Variants in PPM1L observed in about 807,000 individuals in gnomAD.
PPM1L encodes protein phosphatase 1L.
Under a neutral mutation model 31.4 loss-of-function variants are expected in PPM1L, and 13 were observed. The observed-to-expected ratio is 0.41, with a 90% confidence interval of 0.27 to 0.66. The LOEUF (loss-of-function observed/expected upper bound fraction) is 0.66, where lower values mean the gene tolerates loss of function less well. Among genes scored for constraint, PPM1L ranks in the 30% least tolerant of loss-of-function variants. The probability of loss-of-function intolerance (pLI) is 0.29; values close to 1 mark genes in which losing one functional copy is unlikely to be tolerated. For synonymous variants in PPM1L, 184 were observed against 175.4 expected (o/e 1.05, Z -0.39); for missense variants, 326 against 453.7 (o/e 0.72, Z 2.56).
At chr3:160,894,215 C>T (rs1235654128) in intron 1 of PPM1L, among the ~76,000 whole-genome samples, 3 of 152,154 alleles carry the variant, frequency 2.0e-5, no homozygotes, top group Admixed American at 2.0e-4. Context: ...GGATTGCATT[C>T]TTACAATTTA....
intron 1 of PPM1L, among the ~76,000 whole-genome samples, chr3:160,903,194 G>GTGTGTGTGTGCGTGTGTGTGTGT (rs1553819647): frequency 2.1e-5 from 2 of 95,534 alleles, no homozygotes; most frequent in African/African-American, 6.7e-5. Flanking sequence ...TGTGTGTGTG[G>GTGTGTGTGTGCGTGTGTGTGTGT]TATGTGTGTA....
chr3:160,777,242 G>A (rs1313958317), intron 1 of PPM1L, among the ~76,000 whole-genome samples: 5 of 151,994 alleles, frequency 3.3e-5, no homozygotes, highest in East Asian at 1.9e-4. Flanking sequence ...GGTTGCTTGA[G>A]CCCAGGAGTT....
chr3:161,005,395 C>G (rs922359685), intron 2 of PPM1L, among the ~76,000 whole-genome samples: 1 of 152,122 alleles, frequency 6.6e-6, no homozygotes, highest in African/African-American at 2.4e-5. Flanking sequence ...ATGCAATTAA[C>G]TATGATCTCA....
chr3:161,013,777 A>G (rs898791217), intron 2 of PPM1L, among the ~76,000 whole-genome samples: 1 of 152,188 alleles, frequency 6.6e-6, no homozygotes, highest in Non-Finnish European at 1.5e-5. Context: ...ACCATTATGT[A>G]ATGACCTTCT....
chr3:160,880,905 A>G (rs1046426654), intron 1 of PPM1L, among the ~76,000 whole-genome samples: 24 of 152,108 alleles, frequency 1.6e-4, no homozygotes, highest in African/African-American at 5.8e-4. Flanking sequence ...CCCTCTTTCA[A>G]ATGGTATTAG....
intron 1 of PPM1L, among the ~76,000 whole-genome samples, chr3:160,819,913 T>C (rs1378805420): frequency 1.3e-5 from 2 of 152,106 alleles, no homozygotes; most frequent in Non-Finnish European, 2.9e-5. Context: ...GTTATTTATA[T>C]ACTAATAATG....
Position 160,839,037 on chromosome 3 carries a change from A to G in PPM1L, c.399+82330A>G, listed in dbSNP as rs189464832. On this transcript the variant is annotated intron_variant, in intron 1 of 3. Transcript: ENST00000498165. ...TAAGAAGAGGAAGACAGACCTACAC[A>G]CTACTTGCCTTCTCACCATGAGATG... 2.0e-5 allele frequency among the ~76,000 whole-genome samples: 3 copies of G among 152,312 alleles called. No individual in the cohort carries two copies. The East Asian group carries it at 5.8e-4, about 29-fold the overall frequency.
At chr3:160,953,157 C>G (rs1559901169) in intron 1 of PPM1L, among the ~76,000 whole-genome samples, 1 of 152,086 alleles carries the variant, frequency 6.6e-6, no homozygotes, top group Non-Finnish European at 1.5e-5. Flanking sequence ...TATATCAGGA[C>G]CAACATTTAC....
chr3:160,915,610 T>C (rs1354551058), intron 1 of PPM1L, among the ~76,000 whole-genome samples: 1 of 152,188 alleles, frequency 6.6e-6, no homozygotes, highest in Non-Finnish European at 1.5e-5. Flanking sequence ...AAGTCAATCC[T>C]AAGCCAAAAG....
intron 1 of PPM1L, among the ~76,000 whole-genome samples, chr3:160,825,094 A>T (rs938942859): frequency 6.6e-6 from 1 of 152,134 alleles, no homozygotes; most frequent in African/African-American, 2.4e-5. Flanking sequence ...CACGTGTAAC[A>T]TCCTTATATC....
chr3:160,931,809 G>A (rs1714797390), intron 1 of PPM1L, among the ~76,000 whole-genome samples: 2 of 152,090 alleles, frequency 1.3e-5, no homozygotes, highest in South Asian at 4.1e-4. Context: ...TTCTTCAGAT[G>A]GTGCTTTATA....
At chr3:160,837,134 CTG>C (rs1713741394) in intron 1 of PPM1L, among the ~76,000 whole-genome samples, 1 of 152,046 alleles carries the variant, frequency 6.6e-6, no homozygotes, top group African/African-American at 2.4e-5. Flanking sequence ...AATTTGATAA[CTG>C]TGAACTCACA....
At chr3:160,941,845 C>G (rs1471092621) in intron 1 of PPM1L, among the ~76,000 whole-genome samples, 2 of 152,096 alleles carry the variant, frequency 1.3e-5, no homozygotes, top group African/African-American at 2.4e-5. Context: ...TCTTTTAGCT[C>G]TATGTGTTTA....
chr3:160,933,770 G>C (rs1714867419), intron 1 of PPM1L, among the ~76,000 whole-genome samples: 1 of 151,214 alleles, frequency 6.6e-6, no homozygotes, highest in South Asian at 2.1e-4. Flanking sequence ...GTCTTTATTT[G>C]AAATGTTTCT....
At chr3:160,969,388 G>A (rs1175904149) in intron 2 of PPM1L, among the ~76,000 whole-genome samples, 1 of 152,110 alleles carries the variant, frequency 6.6e-6, no homozygotes, top group African/African-American at 2.4e-5. Context: ...TTTTAATTGG[G>A]ACATTAGTGT....
chr3:160,814,705 A>G (rs201696383), intron 1 of PPM1L, among the ~76,000 whole-genome samples: 6 of 146,590 alleles, frequency 4.1e-5, no homozygotes, highest in Non-Finnish European at 9.0e-5. Flanking sequence ...GTATATGTGT[A>G]TATATATGTG....
intron 1 of PPM1L, among the ~76,000 whole-genome samples, chr3:160,944,782 AT>A (rs1230510585): frequency 1.6e-5 from 1 of 62,834 alleles, no homozygotes; most frequent in African/African-American, 4.7e-5. Flanking sequence ...TATATATTAT[AT>A]TATATATGTT....
At chr3:161,017,693 T>G (rs1386655902) in intron 2 of PPM1L, among the ~76,000 whole-genome samples, 1 of 152,204 alleles carries the variant, frequency 6.6e-6, no homozygotes, top group African/African-American at 2.4e-5. Context: ...ATTCTGTCCT[T>G]GGTGAAAAGG....
chr3:160,898,478 TA>T (rs779322052), intron 1 of PPM1L, among the ~76,000 whole-genome samples: 14 of 152,160 alleles, frequency 9.2e-5, no homozygotes, highest in Non-Finnish European at 2.1e-4. Context: ...TTTAATGATT[TA>T]ACTTCATGAA....
Sources: gnomAD v4.1 joint callset for allele counts (sites outside exome capture counted in the v4.1 genomes callset) on GRCh38, gnomAD v4.1.1 for gene constraint, MANE v1.5 for transcripts, NCBI Gene and HGNC (gene_info 2026-07-23, HGNC 2026-07-21) for gene names.